Variants in SYT1 observed in about 807,000 individuals in gnomAD.
SYT1 encodes synaptotagmin-1.
Under a neutral mutation model 44.8 loss-of-function variants are expected in SYT1, and 8 were observed. The observed-to-expected ratio is 0.18, with a 90% CI of 0.10 to 0.32. SYT1 has a LOEUF of 0.32. SYT1 is among the 10% of genes least tolerant of loss of function. The pLI is 1.00. For synonymous variants in SYT1, 154 were observed against 188.8 expected, an observed-to-expected ratio of 0.82 and a Z score of 1.51; for missense variants, 286 against 509.3, an observed-to-expected ratio of 0.56 and a Z score of 4.22.
At chr12:79,310,689 A>C (rs540603249) in intron 8 of SYT1, among the ~76,000 whole-genome samples, 88 of 152,112 alleles carry the variant, frequency 5.8e-4, no homozygotes, top group Non-Finnish European at 1.0e-3. Flanking sequence ...CTTTTATTTC[A>C]TTGAGCAGTG....
chr12:79,170,617 A>C (rs1173074144), intron 3 of SYT1, among the ~76,000 whole-genome samples: 1 of 152,000 alleles, frequency 6.6e-6, no homozygotes, highest in Non-Finnish European at 1.5e-5. Flanking sequence ...TTAGATGCAT[A>C]GTTTGCAAAA....
intron 4 of SYT1, among the ~76,000 whole-genome samples, chr12:79,252,535 T>C (rs1027481771): frequency 2.5e-4 from 38 of 152,294 alleles, no homozygotes; most frequent in African/African-American, 8.4e-4. Context: ...ATGGAAGTGA[T>C]ATGCTTCACT....
intron 5 of SYT1, among the ~76,000 whole-genome samples, chr12:79,291,444 G>T (rs1330912540): frequency 1.3e-5 from 2 of 152,034 alleles, no homozygotes; most frequent in African/African-American, 4.8e-5. Flanking sequence ...ATTTGCTGGT[G>T]GTATGTTTTT....
At chr12:78,972,924 T>C (rs1868481535) in intron 1 of SYT1, among the ~76,000 whole-genome samples, 1 of 152,134 alleles carries the variant, frequency 6.6e-6, no homozygotes, top group African/African-American at 2.4e-5. Flanking sequence ...ATCAAGACAA[T>C]GGGCTTAAAA....
intron 5 of SYT1, among the ~76,000 whole-genome samples, chr12:79,291,069 T>C (rs1879557449): frequency 6.6e-6 from 1 of 152,214 alleles, no homozygotes; most frequent in Admixed American, 6.5e-5. Flanking sequence ...GCAAAATGTT[T>C]GCATATTAGA....
intron 9 of SYT1, among the ~76,000 whole-genome samples, chr12:79,416,890 GCTT>G (rs1868774496): frequency 6.6e-6 from 1 of 152,104 alleles, no homozygotes; most frequent in South Asian, 2.1e-4. Context: ...TAAAAGAATA[GCTT>G]CTTTTTTGGC....
At chr12:79,366,403 C>T (rs556539812) in intron 9 of SYT1, among the ~76,000 whole-genome samples, 1 of 152,372 alleles carries the variant, frequency 6.6e-6, no homozygotes, top group East Asian at 1.9e-4. Context: ...TTAAAAGCCT[C>T]CCATCAGGAA....
At chr12:79,246,970 G>A (rs995492492) in intron 4 of SYT1, among the ~76,000 whole-genome samples, 1 of 152,220 alleles carries the variant, frequency 6.6e-6, no homozygotes, top group African/African-American at 2.4e-5. Flanking sequence ...GTTATTGGGG[G>A]TGTTAGATGG....
chr12:79,328,120 C>G (rs1192471689), intron 8 of SYT1, among the ~76,000 whole-genome samples: 2 of 152,070 alleles, frequency 1.3e-5, no homozygotes, highest in Non-Finnish European at 2.9e-5. Context: ...GCTCTTGCCT[C>G]CATTTAGGAG....
chr12:79,185,316 G>A (rs565663749), intron 3 of SYT1, among the ~76,000 whole-genome samples: 1 of 151,810 alleles, frequency 6.6e-6, no homozygotes, highest in African/African-American at 2.4e-5. Flanking sequence ...CTATTTTTCC[G>A]ACTGTTTTTC....
chr12:78,958,621 G>A (rs1879338757), intron 1 of SYT1, among the ~76,000 whole-genome samples: 1 of 152,008 alleles, frequency 6.6e-6, no homozygotes, highest in Non-Finnish European at 1.5e-5. Flanking sequence ...CTTGAACCTG[G>A]GAGGCAGAGG....
intron 4 of SYT1, among the ~76,000 whole-genome samples, chr12:79,239,619 A>G (rs978264160): frequency 6.6e-6 from 1 of 152,216 alleles, no homozygotes. Context: ...GTTTGTTAAA[A>G]ACATTTGCTA....
rs200817047 is a variant in SYT1, at chr12:79,041,420, CTGTT to C, written c.-83-5873_-83-5870del. On this transcript the variant is annotated intron_variant, in intron 2 of 10. Transcript: ENST00000261205. ...GGGATTTCACTCATGATTTGGCTCT[CTGTT>C]TGTCTGTTGTTGGTGTATAAGAATG... Among the ~76,000 whole-genome samples, 588 of 151,548 alleles carry C rather than the reference CTGTT, an allele frequency of 3.9e-3. 10 individuals are homozygous for C. The East Asian group carries it at 0.061, about 16-fold the overall frequency.
intron 2 of SYT1, among the ~76,000 whole-genome samples, chr12:78,980,389 G>T (rs905707578): frequency 2.0e-5 from 3 of 152,100 alleles, no homozygotes; most frequent in Non-Finnish European, 4.4e-5. Flanking sequence ...TAGGTTTGTA[G>T]GTTAACTTAC....
intron 3 of SYT1, among the ~76,000 whole-genome samples, chr12:79,169,498 G>A (rs1400000731): frequency 6.6e-6 from 1 of 151,920 alleles, no homozygotes; most frequent in Admixed American, 6.6e-5. Flanking sequence ...TCTAGAGAAG[G>A]CCTATGACAT....
chr12:79,017,087 T>G (rs1241884279), intron 2 of SYT1, among the ~76,000 whole-genome samples: 1 of 152,152 alleles, frequency 6.6e-6, no homozygotes, highest in Non-Finnish European at 1.5e-5. Flanking sequence ...CTCCCTAATA[T>G]TCCACAAGAT....
At chr12:78,942,292 A>G (rs879706462) in intron 1 of SYT1, among the ~76,000 whole-genome samples, 17 of 152,204 alleles carry the variant, frequency 1.1e-4, no homozygotes, top group Admixed American at 3.9e-4. Flanking sequence ...CAATCTTCTT[A>G]TCCAGGCATT....
chr12:79,340,420 C>A (rs1336943965), intron 8 of SYT1, among the ~76,000 whole-genome samples: 2 of 151,902 alleles, frequency 1.3e-5, no homozygotes, highest in East Asian at 3.9e-4. Context: ...GTATTTTTTT[C>A]TCTTTGTGGT....
intron 3 of SYT1, among the ~76,000 whole-genome samples, chr12:79,164,240 C>T (rs573634021): frequency 6.6e-6 from 1 of 152,078 alleles, no homozygotes; most frequent in African/African-American, 2.4e-5. Context: ...TGTCCCAAGA[C>T]ACTACTGCGG....
Sources: allele counts gnomAD v4.1 joint callset (sites outside exome capture counted in the v4.1 genomes callset), GRCh38; gene constraint gnomAD v4.1.1; transcripts MANE v1.5; gene names NCBI Gene and HGNC (gene_info 2026-07-23, HGNC 2026-07-21).